PCDH15: variants seen among roughly 807,000 people sequenced by gnomAD.
The protein encoded by PCDH15 is protocadherin related 15, also known as protocadherin-15.
A neutral mutation model predicts 178.5 loss-of-function variants in PCDH15; 129 were observed. The observed-to-expected ratio is 0.72, with a 90% CI of 0.63 to 0.84. The LOEUF (loss-of-function observed/expected upper bound fraction) is 0.84. Among genes scored for constraint, PCDH15 ranks in the 40% least tolerant of loss-of-function variants. The pLI, the probability that PCDH15 is intolerant of heterozygous loss-of-function variation, is 0.00. For missense variants in PCDH15, 2,230 were observed against 2,099.9 expected, an observed-to-expected ratio of 1.06 and a Z score of -1.21; for synonymous variants, 800 against 732.0, an observed-to-expected ratio of 1.09 and a Z score of -1.50.
At chr10:54,165,165 T>A (rs907735102) in intron 13 of PCDH15, among the ~76,000 whole-genome samples, 1 of 149,384 alleles carries the variant, frequency 6.7e-6, no homozygotes, top group Admixed American at 6.7e-5. Flanking sequence ...GTGGCCTTAA[T>A]GTGAACAAGT....
At chr10:54,390,822 AG>A (rs1382132049) in intron 3 of PCDH15, among the ~76,000 whole-genome samples, 5 of 152,174 alleles carry the variant, frequency 3.3e-5, no homozygotes, top group African/African-American at 9.7e-5. Flanking sequence ...TATGTTCACT[AG>A]CCAGAAAGTT....
chr10:54,614,876 G>A (rs2093079907), intron 2 of PCDH15, among the ~76,000 whole-genome samples: 1 of 151,984 alleles, frequency 6.6e-6, no homozygotes, highest in South Asian at 2.1e-4. Context: ...TCTAATAGTT[G>A]TGATGAGGAT....
intron 1 of PCDH15, among the ~76,000 whole-genome samples, chr10:55,303,391 C>A (rs555368844): frequency 1.3e-5 from 2 of 152,218 alleles, no homozygotes; most frequent in East Asian, 1.9e-4. Context: ...CTAAGAGATG[C>A]CCTAAGTTAT....
chr10:54,850,699 T>C (rs370275597), intron 3 of PCDH15, among the ~76,000 whole-genome samples: 17 of 151,508 alleles, frequency 1.1e-4, no homozygotes, highest in African/African-American at 3.9e-4. Flanking sequence ...CACAGCTACA[T>C]AAAATTGAAA....
At chr10:54,236,175 G>T (rs564128010) in intron 9 of PCDH15, among the ~76,000 whole-genome samples, 2 of 152,240 alleles carry the variant, frequency 1.3e-5, no homozygotes, top group East Asian at 3.9e-4. Flanking sequence ...TCTGTCTAGA[G>T]GCTATGCAAA....
chr10:55,473,485 T>C (rs1216062600), intron 2 of PCDH15, among the ~76,000 whole-genome samples: 2 of 152,160 alleles, frequency 1.3e-5, no homozygotes, highest in Admixed American at 1.3e-4. Context: ...AATGTAACCA[T>C]TAAAACAACT....
At chr10:55,080,131 G>A (rs992638649) in intron 2 of PCDH15, among the ~76,000 whole-genome samples, 2 of 152,096 alleles carry the variant, frequency 1.3e-5, no homozygotes, top group South Asian at 2.1e-4. Flanking sequence ...AGGAGCCATG[G>A]CCACAGCGGT....
At chr10:54,223,599 G>T (rs1303739692) in intron 9 of PCDH15, among the ~76,000 whole-genome samples, 1 of 150,142 alleles carries the variant, frequency 6.7e-6, no homozygotes, top group African/African-American at 2.4e-5. Context: ...TCTCATAGCT[G>T]TATTTGCCTA....
At chr10:54,626,461 A>T (rs893917648) in intron 2 of PCDH15, among the ~76,000 whole-genome samples, 2 of 152,176 alleles carry the variant, frequency 1.3e-5, no homozygotes, top group Non-Finnish European at 2.9e-5. Context: ...CACTCCAGCC[A>T]TGGGTGAAAG....
chr10:55,230,112 A>G (rs1841168465), intron 1 of PCDH15, among the ~76,000 whole-genome samples: 1 of 151,910 alleles, frequency 6.6e-6, no homozygotes, highest in African/African-American at 2.4e-5. Flanking sequence ...ATTGTATTCA[A>G]TATTGCTATA....
chr10:54,191,839 T>C (rs1015047883), intron 11 of PCDH15, among the ~76,000 whole-genome samples: 5 of 151,374 alleles, frequency 3.3e-5, no homozygotes, highest in Non-Finnish European at 7.4e-5. Flanking sequence ...GAGAATCACT[T>C]GAGCCAGGGA....
chr10:54,288,208 T>C (rs2059160015), intron 8 of PCDH15, among the ~76,000 whole-genome samples: 1 of 151,952 alleles, frequency 6.6e-6, no homozygotes, highest in Non-Finnish European at 1.5e-5. Flanking sequence ...TAGTCTCAGC[T>C]ACTTGGGAGG....
At chr10:54,248,542 C>T (rs964175360) in intron 8 of PCDH15, among the ~76,000 whole-genome samples, 1 of 151,850 alleles carries the variant, frequency 6.6e-6, no homozygotes, top group Non-Finnish European at 1.5e-5. Flanking sequence ...TTGGCAGGTA[C>T]CAAGAACTCT....
chr10:54,921,428 C>A (rs142123471), intron 2 of PCDH15, among the ~76,000 whole-genome samples: 67 of 152,146 alleles, frequency 4.4e-4, no homozygotes, highest in African/African-American at 1.4e-3. Context: ...TTTTGTCACT[C>A]AGGTATTAAG....
intron 15 of PCDH15, among the ~76,000 whole-genome samples, chr10:54,102,584 T>C (rs2094832280): frequency 6.6e-6 from 1 of 152,220 alleles, no homozygotes; most frequent in South Asian, 2.1e-4. Context: ...TCCTTCATAG[T>C]GGCATTAATC....
At chr10:54,517,389 A>G (rs1003022641) in intron 3 of PCDH15, among the ~76,000 whole-genome samples, 1 of 152,200 alleles carries the variant, frequency 6.6e-6, no homozygotes, top group Non-Finnish European at 1.5e-5. Flanking sequence ...AAGGAAAACA[A>G]AAAACGGCAG....
intron 1 of PCDH15, among the ~76,000 whole-genome samples, chr10:54,669,737 T>C (rs1445885187): frequency 6.7e-6 from 1 of 149,396 alleles, no homozygotes; most frequent in Non-Finnish European, 1.5e-5. Flanking sequence ...TCTGAATGTG[T>C]CTTGACTACC....
intron 1 of PCDH15, among the ~76,000 whole-genome samples, chr10:54,786,216 C>A (rs1372128703): frequency 6.6e-6 from 1 of 151,934 alleles, no homozygotes; most frequent in Non-Finnish European, 1.5e-5. Flanking sequence ...ATCTGTATAT[C>A]AATGCTAGGA....
chr10:54,809,758 TG>T (rs749509311), intron 3 of PCDH15, among the ~76,000 whole-genome samples: 20 of 152,254 alleles, frequency 1.3e-4, no homozygotes, highest in East Asian at 9.7e-4. Flanking sequence ...AGAATAAATC[TG>T]GATCATTGAA....
Sources: gnomAD v4.1 joint callset for allele counts (sites outside exome capture counted in the v4.1 genomes callset) on GRCh38, gnomAD v4.1.1 for gene constraint, MANE v1.5 for transcripts, NCBI Gene and HGNC (gene_info 2026-07-23, HGNC 2026-07-21) for gene names.